RNF166: variants seen among roughly 807,000 people sequenced by gnomAD.
RNF166 encodes ring finger protein 166.
RNF166 carries 19 observed loss-of-function variants against 29.4 expected under a neutral mutation model. The ratio of observed to expected loss-of-function variants is 0.65; its 90% CI spans 0.45 to 0.95. The LOEUF is 0.95. Ranked by LOEUF, RNF166 falls within the 40% of genes least tolerant of loss-of-function variation. The pLI is 0.00. For missense variants in RNF166, 347 were observed against 322.1 expected, an observed-to-expected ratio of 1.08 and a Z score of -0.59; for synonymous variants, 171 against 134.5, an observed-to-expected ratio of 1.27 and a Z score of -1.88.
At chr16:88,702,689 G>C in intron 1 of RNF166, 1 of 985,342 alleles carries the variant, frequency 1.0e-6, no homozygotes. Flanking sequence ...CTTCGTGTGA[G>C]AGAAAGCGGG....
chr16:88,705,153 C>T (rs1300584766), intron 1 of RNF166, among the ~76,000 whole-genome samples: 1 of 152,206 alleles, frequency 6.6e-6, no homozygotes, highest in Non-Finnish European at 1.5e-5. Context: ...ATGAAGGCAG[C>T]TCTGCATCCT....
intron 3 of RNF166, 55 bp downstream of exon 3, chr16:88,699,565 A>G: frequency 1.4e-6 from 2 of 1,426,874 alleles, no homozygotes; most frequent in Non-Finnish European, 1.9e-6. Context: ...GCTTGCTCCC[A>G]GAACGAGGAA....
intron 1 of RNF166, chr16:88,704,058 G>A (rs1267004132): frequency 7.1e-6 from 7 of 985,348 alleles, no homozygotes; most frequent in Admixed American, 6.1e-5. Flanking sequence ...TCCTGCGCGA[G>A]GGCTAGAGCA....
At chr16:88,698,270 C>A in intron 5 of RNF166, 1 of 695,386 alleles carries the variant, frequency 1.4e-6, no homozygotes, top group Non-Finnish European at 2.6e-6. Flanking sequence ...CCTGTGCGGT[C>A]CATGTCCCCG....
rs373302275 is a variant in RNF166, at chr16:88,698,472, G to C, written c.648+30C>G. On this transcript the variant is annotated intron_variant, in intron 5 of 5. Transcript: ENST00000312838. ...GGAGGAGGGTGGATGAGGAGGGCGTGGGGGAGGACGGTGCTGGCGGGATGC... is the reference window on the plus strand; with the variant it reads ...GGAGGAGGGTGGATGAGGAGGGCGTCGGGGAGGACGGTGCTGGCGGGATGC... The C allele has an allele frequency of 3.3e-6, 5 of 1,508,234 alleles. No individual in the cohort carries two copies. In the East Asian group the frequency reaches 9.8e-5, roughly 30 times the overall value. The allele number at this position is 1,508,234 out of a possible 1,614,324, so 93.4% of individuals were successfully genotyped here. A position where few individuals can be genotyped will look rare whatever the true frequency, so the allele number is the denominator to read the frequency against.
At chr16:88,701,614 G>C (rs917218593) in intron 1 of RNF166, 196 bp from the exon 2 acceptor site, 8 of 569,398 alleles carry the variant, frequency 1.4e-5, no homozygotes, top group African/African-American at 1.4e-4. Context: ...CTGGCTAAAG[G>C]GTGGCCCCGG....
chr16:88,698,474 G>A (rs1909859318), intron 5 of RNF166, 28 bp downstream of exon 5: 2 of 1,516,962 alleles, frequency 1.3e-6, no homozygotes, highest in Admixed American at 1.9e-5. Context: ...GAGGGCGTGG[G>A]GGAGGACGGT....
At chr16:88,703,224 G>C in intron 1 of RNF166, 6 of 976,048 alleles carry the variant, frequency 6.1e-6, no homozygotes, top group Non-Finnish European at 7.3e-6. Flanking sequence ...TCTTTCTGGA[G>C]TGGGAAGAAT....
intron 1 of RNF166, among the ~76,000 whole-genome samples, chr16:88,705,306 C>T (rs1383185401): frequency 6.6e-6 from 1 of 152,226 alleles, no homozygotes; most frequent in Non-Finnish European, 1.5e-5. Flanking sequence ...GTGCACCCCC[C>T]TCCACTCCAC....
In RNF166 at chr16:88,696,875, A is replaced by G. The variant is rs557693001; in HGVS notation, c.*693T>C. Reference sequence around the variant, plus strand: ...CAGGGCAGACCCCACAGCAGACCCCATGGCTCGCCTGAGCTCTGGCAGCTG... The same window carrying G: ...CAGGGCAGACCCCACAGCAGACCCCGTGGCTCGCCTGAGCTCTGGCAGCTG... On this transcript the variant is annotated 3_prime_UTR_variant, in exon 6 of 6. Coordinates refer to ENST00000312838, the MANE Select transcript of RNF166 (RefSeq NM_178841.4). The G allele has an allele frequency of 1.2e-4, 30 of 258,670 alleles. No homozygotes were observed. Among genetic ancestry groups the G allele is most frequent in the African/African-American group, 6.3e-4 (27 of 42,898 alleles). 16.0% of individuals were successfully genotyped at this position (258,670 alleles called of 1,614,324 possible). A position where few individuals can be genotyped will look rare whatever the true frequency, so the allele number is the denominator to read the frequency against.
chr16:88,698,468 G>A (rs1194398553), intron 5 of RNF166, 34 bp downstream of exon 5: 31 of 1,487,446 alleles, frequency 2.1e-5, no homozygotes, highest in African/African-American at 2.8e-5. Context: ...GATGAGGAGG[G>A]CGTGGGGGAG....
intron 1 of RNF166, 78 bp downstream of exon 1, chr16:88,706,093 G>A: frequency 1.0e-6 from 1 of 979,276 alleles, no homozygotes; most frequent in Non-Finnish European, 1.2e-6. Flanking sequence ...AGCTGCACCG[G>A]GGCGGCCGCC....
intron 1 of RNF166, chr16:88,704,143 G>A: frequency 1.0e-6 from 1 of 985,470 alleles, no homozygotes; most frequent in Non-Finnish European, 1.2e-6. Flanking sequence ...TCTGGTTGGG[G>A]AGCTTGCGGA....
At chr16:88,706,034 C>T (rs1456080568) in intron 1 of RNF166, 137 bp downstream of exon 1, 3 of 404,388 alleles carry the variant, frequency 7.4e-6, no homozygotes, top group African/African-American at 6.5e-5. Context: ...ACCCGGACCC[C>T]ACGCGCCCCG....
chr16:88,703,848 A>G, intron 1 of RNF166: 2 of 985,450 alleles, frequency 2.0e-6, no homozygotes, highest in Non-Finnish European at 2.4e-6. Context: ...CCCGTGCCTC[A>G]GGGATCTGCC....
chr16:88,704,108 G>T (rs1329484718), intron 1 of RNF166: 1 of 985,364 alleles, frequency 1.0e-6, no homozygotes, highest in Non-Finnish European at 1.2e-6. Context: ...TGCCATGAGA[G>T]ATCTACCCTG....
Position 88,697,564 on chromosome 16 carries a change from C to G in RNF166, c.*4G>C, listed in dbSNP as rs1173428011. On this transcript the variant is annotated 3_prime_UTR_variant, in exon 6 of 6. Transcript: ENST00000312838. ...CAGACGCAGGCGGGTGGCTGCGCTT[C>G]CCTTCAGTTCTCAGAGAGAGACAGG... 46 of 1,548,056 alleles carry G rather than the reference C, an allele frequency of 3.0e-5. No homozygotes were observed. The highest frequency in any genetic ancestry group is 3.9e-5 in the Non-Finnish European group (45 of 1,145,676).
chr16:88,701,610 A>G, intron 1 of RNF166, 192 bp from the exon 2 acceptor site: 1 of 577,726 alleles, frequency 1.7e-6, no homozygotes, highest in South Asian at 2.3e-5. Flanking sequence ...CCATCTGGCT[A>G]AAGGGTGGCC....
chr16:88,702,408 G>A (rs188204105), intron 1 of RNF166, among the ~76,000 whole-genome samples: 7 of 152,320 alleles, frequency 4.6e-5, no homozygotes, highest in Admixed American at 4.6e-4. Context: ...AGGCCACAGG[G>A]CTGGTACAGG....
Sources: allele counts gnomAD v4.1 joint callset (sites outside exome capture counted in the v4.1 genomes callset), GRCh38; gene constraint gnomAD v4.1.1; transcripts MANE v1.5; gene names NCBI Gene and HGNC (gene_info 2026-07-23, HGNC 2026-07-21).